EPS15L1: variants seen among roughly 807,000 people sequenced by gnomAD.
The protein encoded by EPS15L1 is epidermal growth factor receptor pathway substrate 15 like 1.
In EPS15L1, 43 loss-of-function variants were observed where a neutral mutation model predicts 117.1. The observed-to-expected ratio is 0.37, with a 90% CI of 0.29 to 0.47. The LOEUF (loss-of-function observed/expected upper bound fraction) is 0.47. EPS15L1 is among the 20% of genes least tolerant of loss of function. EPS15L1 has a pLI of 0.99. For synonymous variants in EPS15L1, 459 were observed against 470.5 expected, an observed-to-expected ratio of 0.98 and a Z score of 0.32; for missense variants, 981 against 1,164.0, an observed-to-expected ratio of 0.84 and a Z score of 2.29.
chr19:16,362,045 C>A (rs2092062531), intron 22 of EPS15L1, 61 bp from the exon 23 acceptor site: 9 of 1,484,720 alleles, frequency 6.1e-6, no homozygotes, highest in African/African-American at 5.6e-5. Context: ...CTCACCCGGA[C>A]AGAGCAGAAT....
intron 1 of EPS15L1, among the ~76,000 whole-genome samples, chr19:16,456,485 T>C (rs1359999746): frequency 6.6e-6 from 1 of 151,968 alleles, no homozygotes; most frequent in Non-Finnish European, 1.5e-5. Flanking sequence ...GGTGAAACTC[T>C]ATCTCTACTA....
intron 23 of EPS15L1, among the ~76,000 whole-genome samples, chr19:16,359,360 C>T (rs1347219582): frequency 1.3e-5 from 2 of 152,266 alleles, no homozygotes; most frequent in South Asian, 2.1e-4. Flanking sequence ...CCCCGAATGC[C>T]GTGAACATGG....
At chr19:16,419,478 G>A (rs1447222189) in intron 10 of EPS15L1, among the ~76,000 whole-genome samples, 1 of 151,908 alleles carries the variant, frequency 6.6e-6, no homozygotes, top group Admixed American at 6.6e-5. Flanking sequence ...ATAAAAAAAT[G>A]AGGAGCCAAC....
At chr19:16,402,251 G>C in intron 16 of EPS15L1, 70 bp downstream of exon 16, 1 of 1,520,122 alleles carries the variant, frequency 6.6e-7, no homozygotes, top group South Asian at 1.3e-5. Flanking sequence ...CAGATCTGGC[G>C]GGTGGGATGT....
chr19:16,428,587 AG>A (rs2092900503), intron 8 of EPS15L1, 114 bp downstream of exon 8: 2 of 703,212 alleles, frequency 2.8e-6, no homozygotes, highest in Non-Finnish European at 4.8e-6. Context: ...GGAAAAGAAA[AG>A]AAAAGAAAAG....
intron 22 of EPS15L1, among the ~76,000 whole-genome samples, chr19:16,363,553 T>C (rs1488923392): frequency 6.6e-6 from 1 of 152,228 alleles, no homozygotes; most frequent in Non-Finnish European, 1.5e-5. Flanking sequence ...CCAGGTGTCC[T>C]TGTGGGCTCC....
At chr19:16,373,933 A>G (rs2092259816) in intron 22 of EPS15L1, among the ~76,000 whole-genome samples, 1 of 152,238 alleles carries the variant, frequency 6.6e-6, no homozygotes, top group Non-Finnish European at 1.5e-5. Flanking sequence ...AGCGAGTACA[A>G]TGCAGAATTT....
intron 21 of EPS15L1, among the ~76,000 whole-genome samples, 183 bp from the exon 22 acceptor site, chr19:16,377,437 C>G (rs1191184192): frequency 6.6e-6 from 1 of 152,184 alleles, no homozygotes; most frequent in African/African-American, 2.4e-5. Context: ...CCACCCTCAA[C>G]AGCAGGGGCC....
chr19:16,365,509 T>G lies in EPS15L1; in HGVS notation c.2381-3525A>C, dbSNP rs1478596182. On this transcript the variant is annotated intron_variant, in intron 22 of 23. Coordinates refer to ENST00000455140, the MANE Select transcript of EPS15L1 (RefSeq NM_001258374.3). This position sits in a 1 kb window ranked among gnomAD's most constrained non-coding sequence, Gnocchi z 4.9. Reference sequence around the variant, plus strand: ...ATCTTGGACTTTGAGCCTCTAGAACTGCGGGACAATCCATGTCTGCTGTTT... The same window carrying G: ...ATCTTGGACTTTGAGCCTCTAGAACGGCGGGACAATCCATGTCTGCTGTTT... Among the ~76,000 whole-genome samples the G allele has an allele frequency of 6.6e-6, 1 of 152,174 alleles. No individual in the cohort carries two copies. Among genetic ancestry groups the G allele is most frequent in the Non-Finnish European group, 1.5e-5 (1 of 68,016 alleles).
chr19:16,364,478 C>A (rs2092105189), intron 22 of EPS15L1, among the ~76,000 whole-genome samples: 1 of 152,200 alleles, frequency 6.6e-6, no homozygotes, highest in Admixed American at 6.5e-5. Flanking sequence ...ACCCCGACCT[C>A]CCCGGGGCTG....
chr19:16,362,031 G>A, intron 22 of EPS15L1, 47 bp from the exon 23 acceptor site: 1 of 1,527,148 alleles, frequency 6.5e-7, no homozygotes, highest in African/African-American at 1.4e-5. Context: ...AGAAATATGA[G>A]TTACTCACCC....
At chr19:16,375,181 C>A (rs1020598947) in intron 22 of EPS15L1, among the ~76,000 whole-genome samples, 1 of 152,170 alleles carries the variant, frequency 6.6e-6, no homozygotes, top group Non-Finnish European at 1.5e-5. Flanking sequence ...TGGGAGAGTG[C>A]GTGTGTGCCT....
intron 13 of EPS15L1, among the ~76,000 whole-genome samples, chr19:16,409,866 A>G (rs773716687): frequency 6.5e-5 from 9 of 137,626 alleles, no homozygotes; most frequent in African/African-American, 2.5e-4. Context: ...TGAACCTGGG[A>G]GGCGGAGGTT....
intron 1 of EPS15L1, among the ~76,000 whole-genome samples, chr19:16,466,470 C>G (rs1003672220): frequency 6.6e-6 from 1 of 152,168 alleles, no homozygotes; most frequent in East Asian, 1.9e-4. Context: ...TTCTTTATAT[C>G]TGGGCCCCTC....
intron 19 of EPS15L1, among the ~76,000 whole-genome samples, chr19:16,388,398 G>C (rs1240238374): frequency 1.3e-5 from 2 of 152,132 alleles, no homozygotes; most frequent in Admixed American, 1.3e-4. Flanking sequence ...GCTGAGCAAA[G>C]CCTAAACAGT....
At chr19:16,430,364 C>T (rs965500509) in intron 7 of EPS15L1, among the ~76,000 whole-genome samples, 23 of 152,176 alleles carry the variant, frequency 1.5e-4, no homozygotes, top group Admixed American at 1.4e-3. Context: ...GACCCTGCCC[C>T]GCCCTGTCCA....
intron 5 of EPS15L1, 65 bp downstream of exon 5, chr19:16,437,705 G>T (rs757659508): frequency 9.9e-6 from 11 of 1,107,862 alleles, no homozygotes; most frequent in Non-Finnish European, 1.2e-5. Context: ...ATACACACAT[G>T]CACATACACA....
intron 7 of EPS15L1, among the ~76,000 whole-genome samples, chr19:16,431,312 T>C (rs1381658507): frequency 6.7e-6 from 1 of 149,344 alleles, no homozygotes; most frequent in African/African-American, 2.4e-5. Flanking sequence ...TATACATTCT[T>C]TTTTTTTTTG....
Position 16,403,735 on chromosome 19 carries a change from G to C in EPS15L1, c.1624C>G (p.Gln542Glu), listed in dbSNP as rs376648640. ...SLKSTQDEIN[Q>E]ARSKLSQLHE... Reference sequence around the variant, plus strand: ...AGGGACCCGACTCCGTGAAGTACCTGGTTGATTTCGTCTTGCGTTGACTTC... The same window carrying C: ...AGGGACCCGACTCCGTGAAGTACCTCGTTGATTTCGTCTTGCGTTGACTTC... Residue 542 changes from glutamine to glutamate, a missense_variant and splice_region_variant, in exon 15 of 24, where the codon CAG (glutamine) becomes GAG (glutamate). Gln to Glu is a conservative substitution (Grantham distance 29). This residue lies in a region of EPS15L1 where 819 missense variants were observed against 949.0 expected (regional missense o/e 0.86). Coordinates refer to ENST00000455140, the MANE Select transcript of EPS15L1 (RefSeq NM_001258374.3). 6.2e-7 allele frequency: 1 copy of C among 1,612,078 alleles called. No individual in the cohort carries two copies. Among genetic ancestry groups the C allele is most frequent in the Non-Finnish European group, 8.5e-7 (1 of 1,179,950 alleles).
Sources: gnomAD v4.1 joint callset for allele counts (sites outside exome capture counted in the v4.1 genomes callset) on GRCh38, gnomAD v4.1.1 for gene constraint, gnomAD v4.1.1 regional missense constraint, Gnocchi (gnomAD v3.1) non-coding constraint, MANE v1.5 for transcripts, NCBI Gene and HGNC (gene_info 2026-07-23, HGNC 2026-07-21) for gene names.